The following CHD6 variants were observed in gnomAD, a reference collection of about 807,000 sequenced individuals.
CHD6 encodes chromodomain helicase DNA binding protein 6.
A neutral mutation model predicts 276.9 loss-of-function variants in CHD6; 50 were observed. The ratio of observed to expected loss-of-function variants is 0.18; its 90% CI spans 0.14 to 0.23. The LOEUF (loss-of-function observed/expected upper bound fraction) is 0.23. CHD6 is among the 10% of genes least tolerant of loss of function. The pLI is 1.00. For synonymous variants in CHD6, 1,173 were observed against 1,229.3 expected, an observed-to-expected ratio of 0.95 and a Z score of 0.96; for missense variants, 2,564 against 3,365.8, an observed-to-expected ratio of 0.76 and a Z score of 5.89.
chr20:41,535,638 C>G (rs2044813479), intron 2 of CHD6, among the ~76,000 whole-genome samples: 1 of 152,106 alleles, frequency 6.6e-6, no homozygotes, highest in Non-Finnish European at 1.5e-5. Context: ...GTGGGAGAAC[C>G]ACTTGAGGTC....
At chr20:41,483,967 G>GTTTTAA (rs1200291774) in intron 15 of CHD6, among the ~76,000 whole-genome samples, 1 of 152,212 alleles carries the variant, frequency 6.6e-6, no homozygotes, top group Non-Finnish European at 1.5e-5. Context: ...TCTACAGAGA[G>GTTTTAA]TTTTAATCTC....
At chr20:41,534,176 G>T (rs1258778654) in intron 2 of CHD6, among the ~76,000 whole-genome samples, 1 of 152,194 alleles carries the variant, frequency 6.6e-6, no homozygotes, top group South Asian at 2.1e-4. Context: ...AACAATGTGG[G>T]TGTTAGTTTC....
chr20:41,521,240 A>T (rs1223448069), intron 3 of CHD6, among the ~76,000 whole-genome samples: 4 of 152,228 alleles, frequency 2.6e-5, no homozygotes, highest in Non-Finnish European at 5.9e-5. Context: ...CCTTCCATTA[A>T]TTGATTAACA....
chr20:41,525,681 C>T (rs2146031235), intron 3 of CHD6, among the ~76,000 whole-genome samples: 1 of 152,282 alleles, frequency 6.6e-6, no homozygotes, highest in East Asian at 1.9e-4. Flanking sequence ...CTAAAAAGAA[C>T]ATTTGTTTAA....
intron 1 of CHD6, among the ~76,000 whole-genome samples, chr20:41,574,809 GGAGGCAGGGAACCT>G (rs912714785): frequency 7.4e-4 from 113 of 152,300 alleles, no homozygotes; most frequent in African/African-American, 2.6e-3. Flanking sequence ...AATAGGGTCT[GGAGGCAGGGAACCT>G]GAGGCAGGGA....
Position 41,484,399 on chromosome 20 carries a change from G to A in CHD6, c.2210C>T (p.Thr737Ile). The change falls in exon 15 of 37, where the codon ACC (threonine) becomes ATC (isoleucine). Residue 737 changes from threonine to isoleucine, a missense_variant. Around this residue, in one of 7 missense-constraint regions of CHD6, gnomAD observed 457 missense variants for 889.0 expected, o/e 0.51. Coordinates refer to ENST00000373233, the MANE Select transcript of CHD6 (RefSeq NM_032221.5). ...NQHNMPNLIN[T>I]MMELRKCCNH... ...ACAGCACTTCCTCAGCTCCATCATG[G>A]TGTTGATGAGATTGGGCATGTTGTG... 1.2e-6 allele frequency: 2 copies of A among 1,613,868 alleles called. No individual in the cohort carries two copies. The highest frequency in any genetic ancestry group is 1.7e-6 in the Non-Finnish European group (2 of 1,179,828).
At chr20:41,535,677 A>G (rs923771492) in intron 2 of CHD6, among the ~76,000 whole-genome samples, 1 of 152,094 alleles carries the variant, frequency 6.6e-6, no homozygotes, top group African/African-American at 2.4e-5. Flanking sequence ...TGGGCAATAG[A>G]GCAAGACCCT....
rs766115827 is a variant in CHD6 at position 41,425,269 on chromosome 20, G to T, written c.4255C>A (p.Leu1419Met). The change falls in exon 29 of 37, where the codon CTG becomes ATG. Residue 1419 changes from leucine (L) to methionine (M), a missense_variant. Physicochemically the swap from Leu to Met is conservative, Grantham distance 15. Coordinates refer to ENST00000373233, the MANE Select transcript of CHD6 (RefSeq NM_032221.5). The part of the protein sequence containing the change: ...NRKELCRPEI[L>M]GPGNQGYWVQ... ...CAATATCCTTGGTTACCTGGTCCCA[G>T]AATTTCAGGCCGGCACAGTTCCTTG... The T allele has an allele frequency of 1.9e-6, 3 of 1,614,200 alleles. No individual in the cohort carries two copies. In the East Asian group the frequency reaches 6.7e-5, roughly 36 times the overall value.
At chr20:41,572,880 C>G (rs1350363273) in intron 1 of CHD6, among the ~76,000 whole-genome samples, 2 of 152,146 alleles carry the variant, frequency 1.3e-5, no homozygotes, top group East Asian at 1.9e-4. Flanking sequence ...GAGCTTAGAT[C>G]TGTACTTGGG....
Position 41,444,229 on chromosome 20 carries a change from G to A in CHD6, c.3877+1436C>T, listed in dbSNP as rs150265023. Among the ~76,000 whole-genome samples, 737 of 152,298 alleles carry A rather than the reference G, an allele frequency of 4.8e-3. 3 individuals are homozygous for A. The highest frequency in any genetic ancestry group is 0.017 in the Middle Eastern group (5 of 294). On this transcript the variant is annotated intron_variant, in intron 25 of 36. Coordinates refer to ENST00000373233, the MANE Select transcript of CHD6 (RefSeq NM_032221.5). ...ACCTTGTGACTAACAGGGAGATCAC[G>A]CACTTCCTTCTACTTTGGAGCTGAG...
At chr20:41,415,032 A>G in intron 34 of CHD6, 154 bp downstream of exon 34, 1 of 1,453,072 alleles carries the variant, frequency 6.9e-7, no homozygotes, top group African/African-American at 1.4e-5. Flanking sequence ...CTAGTTCTAC[A>G]GAAGATGGAG....
chr20:41,536,017 C>T (rs1252277693), intron 2 of CHD6, among the ~76,000 whole-genome samples: 1 of 151,926 alleles, frequency 6.6e-6, no homozygotes, highest in African/African-American at 2.4e-5. Context: ...TTTAAGGCAC[C>T]TTGTTGGGAG....
At chr20:41,540,597 C>A (rs1163307432) in intron 2 of CHD6, among the ~76,000 whole-genome samples, 1 of 152,190 alleles carries the variant, frequency 6.6e-6, no homozygotes, top group Non-Finnish European at 1.5e-5. Context: ...AGGTGCAGGA[C>A]AAAGTGTGCA....
At chr20:41,616,600 T>C (rs1047540909) in intron 1 of CHD6, among the ~76,000 whole-genome samples, 1 of 152,238 alleles carries the variant, frequency 6.6e-6, no homozygotes, top group Non-Finnish European at 1.5e-5. Flanking sequence ...ATAATTCATC[T>C]ATGAAATCTG....
In CHD6 at chr20:41,452,810, G is replaced by A; in HGVS notation, c.3253C>T (p.Leu1085Phe). The A allele has an allele frequency of 6.2e-7, 1 of 1,613,416 alleles. No homozygotes were observed. The stretch of plus-strand genomic sequence containing the variant: ...AGGTAGCGCCTGGCTTTGTCATTGA[G>A]GCGCCTGGATCTCGTGGGCCTTTCG... ...SDERPTRSRR[L>F]NDKARRYLRA... is the part of the protein sequence containing the mutation. The change falls in exon 21 of 37, where the codon CTC (leucine) becomes TTC (phenylalanine). Residue 1085 changes from leucine (L) to phenylalanine (F), a missense_variant. Coordinates refer to ENST00000373233, the MANE Select transcript of CHD6 (RefSeq NM_032221.5). This position sits in a 1 kb window ranked among gnomAD's most constrained non-coding sequence, Gnocchi z 4.2.
chr20:41,508,480 T>C (rs2044032885), intron 5 of CHD6, among the ~76,000 whole-genome samples: 1 of 152,124 alleles, frequency 6.6e-6, no homozygotes, highest in Non-Finnish European at 1.5e-5. Flanking sequence ...GAGCAGAGAC[T>C]TGTGGCAGGG....
At chr20:41,496,977 A>C (rs893457962) in intron 8 of CHD6, 1 of 176,276 alleles carries the variant, frequency 5.7e-6, no homozygotes, top group Non-Finnish European at 1.2e-5. Context: ...AGTTTACATA[A>C]ATAAAATTAT....
intron 5 of CHD6, among the ~76,000 whole-genome samples, chr20:41,501,258 T>C (rs1352912472): frequency 6.6e-6 from 1 of 152,212 alleles, no homozygotes; most frequent in Non-Finnish European, 1.5e-5. Flanking sequence ...GCTAACAAAA[T>C]GCTTAGTTAC....
intron 3 of CHD6, among the ~76,000 whole-genome samples, chr20:41,531,001 G>T (rs1471252684): frequency 3.3e-5 from 5 of 152,120 alleles, no homozygotes; most frequent in Non-Finnish European, 5.9e-5. Flanking sequence ...ATATAACAAA[G>T]ACTGTACATT....
Sources: allele counts gnomAD v4.1 joint callset (sites outside exome capture counted in the v4.1 genomes callset), GRCh38; gene constraint gnomAD v4.1.1; regional missense constraint gnomAD v4.1.1; non-coding constraint Gnocchi (gnomAD v3.1); transcripts MANE v1.5; gene names NCBI Gene and HGNC (gene_info 2026-07-23, HGNC 2026-07-21).